SEC24A: variants seen among roughly 807,000 people sequenced by gnomAD.
SEC24A encodes SEC24 homolog A, COPII component.
Under a neutral mutation model 129.4 loss-of-function variants are expected in SEC24A, and 93 were observed. The ratio of observed to expected loss-of-function variants is 0.72; its 90% CI spans 0.61 to 0.85. The LOEUF is 0.85. SEC24A is among the 40% of genes least tolerant of loss of function. The probability of loss-of-function intolerance (pLI) is 0.00; values close to 1 mark genes in which losing one functional copy is unlikely to be tolerated. For synonymous variants in SEC24A, 460 were observed against 467.3 expected, an observed-to-expected ratio of 0.98 and a Z score of 0.20; for missense variants, 1,264 against 1,307.4, an observed-to-expected ratio of 0.97 and a Z score of 0.51.
intron 9 of SEC24A, among the ~76,000 whole-genome samples, chr5:134,683,315 G>A (rs1276222394): frequency 6.6e-6 from 1 of 151,868 alleles, no homozygotes; most frequent in Non-Finnish European, 1.5e-5. Flanking sequence ...CACCGTGCCC[G>A]GCCAGCTCAT....
chr5:134,683,797 A>G (rs1180208943), intron 9 of SEC24A, among the ~76,000 whole-genome samples: 1 of 152,224 alleles, frequency 6.6e-6, no homozygotes, highest in Non-Finnish European at 1.5e-5. Flanking sequence ...TGATCAGCAC[A>G]AACAGTATTC....
At chr5:134,657,875 C>CA (rs1750301155) in intron 1 of SEC24A, among the ~76,000 whole-genome samples, 1 of 152,112 alleles carries the variant, frequency 6.6e-6, no homozygotes, top group Non-Finnish European at 1.5e-5. Context: ...ACATGCCTGG[C>CA]AAAAATTATT....
chr5:134,725,054 A>G lies in SEC24A; in HGVS notation c.3242A>G (p.Tyr1081Cys). The change falls in exon 23 of 23, where the codon TAT becomes TGT. Residue 1081 changes from tyrosine to cysteine, a missense_variant. Transcript: ENST00000398844. ...AGAACAGAATCTGCATTATCATATT[A>G]TGAATTCCTGTTGCATATACAGCAA... is the stretch of plus-strand genomic sequence containing the variant. ...EDRTESALSY[Y>C]EFLLHIQQQV... The G allele has an allele frequency of 6.3e-7, 1 of 1,598,834 alleles. No individual in the cohort carries two copies. Among genetic ancestry groups the G allele is most frequent in the Non-Finnish European group, 8.6e-7 (1 of 1,167,278 alleles).
At chr5:134,706,815 C>G (rs1216783275) in intron 17 of SEC24A, among the ~76,000 whole-genome samples, 4 of 152,124 alleles carry the variant, frequency 2.6e-5, no homozygotes, top group Non-Finnish European at 5.9e-5. Context: ...CTCAGCCTCC[C>G]AAGTAGCTGG....
At chr5:134,705,086 A>AT (rs1441646206) in intron 16 of SEC24A, among the ~76,000 whole-genome samples, 1,414 of 129,530 alleles carry the variant, frequency 0.011, 6 homozygotes, top group South Asian at 0.018. Context: ...ATATATATAT[A>AT]TATATTTTTT....
intron 20 of SEC24A, among the ~76,000 whole-genome samples, chr5:134,720,374 G>A (rs1161119482): frequency 6.6e-6 from 1 of 152,152 alleles, no homozygotes; most frequent in African/African-American, 2.4e-5. Context: ...ATTAAGGCTT[G>A]TGTAAATCCA....
chr5:134,673,051 ATT>A (rs375750332), intron 4 of SEC24A, among the ~76,000 whole-genome samples: 70 of 113,668 alleles, frequency 6.2e-4, no homozygotes, highest in African/African-American at 2.2e-3. Context: ...CCCATTTAGG[ATT>A]TTTTTTTTTT....
chr5:134,672,173 A>G (rs1750888918), intron 4 of SEC24A, among the ~76,000 whole-genome samples: 1 of 151,710 alleles, frequency 6.6e-6, no homozygotes, highest in Non-Finnish European at 1.5e-5. Flanking sequence ...ACGTGTCACC[A>G]TGCCCAGCTT....
At chr5:134,712,213 A>G (rs1452656213) in intron 18 of SEC24A, among the ~76,000 whole-genome samples, 2 of 150,608 alleles carry the variant, frequency 1.3e-5, no homozygotes. Context: ...GCAACTCATT[A>G]CTTTCTAGTA....
Position 134,697,767 on chromosome 5 carries a change from G to A in SEC24A, c.2108-132G>A, listed in dbSNP as rs578038538. 15 of 958,200 alleles carry A rather than the reference G, an allele frequency of 1.6e-5. No individual in the cohort carries two copies. In the Admixed American group the frequency reaches 1.8e-4, roughly 11 times the overall value. 59.4% of individuals were successfully genotyped at this position (958,200 alleles called of 1,614,324 possible). A position where few individuals can be genotyped will look rare whatever the true frequency, so the allele number is the denominator to read the frequency against. On this transcript the variant is annotated intron_variant, in intron 14 of 22. Transcript: ENST00000398844. ...AATGGGACTCTGTCTCAAAAAAAGG[G>A]AATAAAATCTCCTTTCTGACAGTAG... is the stretch of plus-strand genomic sequence containing the variant.
At chr5:134,659,559 C>T (rs956968004) in intron 1 of SEC24A, among the ~76,000 whole-genome samples, 1 of 151,746 alleles carries the variant, frequency 6.6e-6, no homozygotes, top group Non-Finnish European at 1.5e-5. Flanking sequence ...GTAATAGTTA[C>T]TCACAATAGG....
Position 134,718,084 on chromosome 5 carries a change from A to G in SEC24A, c.2881A>G (p.Ser961Gly). 2 of 1,613,858 alleles carry G rather than the reference A, an allele frequency of 1.2e-6. No individual in the cohort carries two copies. The highest frequency in any genetic ancestry group is 1.1e-5 in the South Asian group (1 of 91,078). ...AATTCCTCAGGGAGCACTCAACATCAGTGATAGAACCATACCTCAGCCCCC... is the reference window on the plus strand; with the variant it reads ...AATTCCTCAGGGAGCACTCAACATCGGTGATAGAACCATACCTCAGCCCCC... ...NLSDEGALNI[S>G]DRTIPQPPIL... Residue 961 changes from serine to glycine, a missense_variant, in exon 20 of 23, where the codon AGT becomes GGT. By Grantham distance (56) the Ser-to-Gly change is moderately conservative (BLOSUM62 0). Transcript: ENST00000398844.
In SEC24A at chr5:134,652,809, T is replaced by C. The variant is rs2150065942; in HGVS notation, c.97+3636T>C. ...TTTTGTTTTGTTTTTGTTTTTGTTT[T>C]TTTGAGACGGAGTCTCACTCTGTCA... On this transcript the variant is annotated intron_variant, in intron 1 of 22. Coordinates refer to ENST00000398844, the MANE Select transcript of SEC24A (RefSeq NM_021982.3). 2.0e-5 allele frequency among the ~76,000 whole-genome samples: 3 copies of C among 151,968 alleles called. No individual in the cohort carries two copies. The South Asian group carries it at 6.3e-4, about 32-fold the overall frequency.
intron 13 of SEC24A, among the ~76,000 whole-genome samples, chr5:134,696,604 T>A (rs1337284344): frequency 2.0e-5 from 3 of 152,064 alleles, no homozygotes. Context: ...GTTCATGCCA[T>A]TCTCCTGCCT....
chr5:134,688,037 G>T (rs1751507896), intron 10 of SEC24A, 144 bp from the exon 11 acceptor site: 1 of 663,844 alleles, frequency 1.5e-6, no homozygotes, highest in Non-Finnish European at 2.7e-6. Context: ...CATGGTAAAC[G>T]TTGGGTGGTT....
At chr5:134,652,919 C>T (rs1485697571) in intron 1 of SEC24A, among the ~76,000 whole-genome samples, 2 of 151,800 alleles carry the variant, frequency 1.3e-5, no homozygotes, top group African/African-American at 4.8e-5. Context: ...CTCAGCCTCC[C>T]GAGTAGCTGG....
intron 21 of SEC24A, among the ~76,000 whole-genome samples, chr5:134,721,335 C>T (rs1393120005): frequency 1.3e-5 from 2 of 151,732 alleles, no homozygotes; most frequent in Admixed American, 1.3e-4. Context: ...GAGGCCAGGG[C>T]GGGCTGATCA....
At chr5:134,675,735 A>C (rs974217222) in intron 6 of SEC24A, among the ~76,000 whole-genome samples, 2 of 152,210 alleles carry the variant, frequency 1.3e-5, no homozygotes, top group Admixed American at 6.5e-5. Flanking sequence ...ATTTAATTCC[A>C]GTGTCAACTA....
chr5:134,662,789 A>G (rs535680781), intron 2 of SEC24A, among the ~76,000 whole-genome samples: 56 of 152,270 alleles, frequency 3.7e-4, no homozygotes, highest in South Asian at 2.5e-3. Context: ...CTTTTGTTCT[A>G]ATTCATTTGA....
Sources: gnomAD v4.1 joint callset for allele counts (sites outside exome capture counted in the v4.1 genomes callset) on GRCh38, gnomAD v4.1.1 for gene constraint, MANE v1.5 for transcripts, NCBI Gene and HGNC (gene_info 2026-07-23, HGNC 2026-07-21) for gene names.